Variants in CSMD1 observed in about 807,000 individuals in gnomAD.
CSMD1 encodes the protein CUB and Sushi multiple domains 1, also known as CUB and sushi domain-containing protein 1.
Under a neutral mutation model 417.5 loss-of-function variants are expected in CSMD1, and 213 were observed. The ratio of observed to expected loss-of-function variants is 0.51; its 90% CI spans 0.46 to 0.57. The LOEUF (loss-of-function observed/expected upper bound fraction) is 0.57, where lower values mean the gene tolerates loss of function less well. Ranked by LOEUF, CSMD1 falls within the 20% of genes least tolerant of loss-of-function variation. The pLI is 0.00. For synonymous variants in CSMD1, 2,862 were observed against 1,736.8 expected (o/e 1.65, Z -16.11); for missense variants, 6,923 against 4,529.7 (o/e 1.53, Z -15.17).
At chr8:3,971,655 C>T (rs535280276) in intron 5 of CSMD1, among the ~76,000 whole-genome samples, 1 of 152,058 alleles carries the variant, frequency 6.6e-6, no homozygotes, top group Admixed American at 6.6e-5. Context: ...AATCCTGATC[C>T]GTGTGGAACA....
Position 2,963,412 on chromosome 8 carries a change from A to G in CSMD1, c.9281-17T>C. ...ACAGCACGGCTATTTCCAAAGAACA[A>G]ACAAGATCAACATTCCGGAGCTCCC... is the stretch of plus-strand genomic sequence containing the variant. On this transcript the variant is annotated splice_polypyrimidine_tract_variant and intron_variant, in intron 59 of 69. Coordinates refer to ENST00000635120, the MANE Select transcript of CSMD1 (RefSeq NM_033225.6). 6.2e-7 allele frequency: 1 copy of G among 1,608,976 alleles called. No individual in the cohort carries two copies. The highest frequency in any genetic ancestry group is 8.5e-7 in the Non-Finnish European group (1 of 1,175,564).
intron 1 of CSMD1, among the ~76,000 whole-genome samples, chr8:4,654,294 G>A (rs1804090568): frequency 6.6e-6 from 1 of 152,060 alleles, no homozygotes; most frequent in Non-Finnish European, 1.5e-5. Context: ...GACTTATATG[G>A]AAAGGATATA....
intron 1 of CSMD1, among the ~76,000 whole-genome samples, chr8:4,742,409 T>G (rs1197030617): frequency 6.6e-6 from 1 of 152,116 alleles, no homozygotes. Flanking sequence ...TAAAAATAAA[T>G]GTCCTACTCT....
At chr8:4,133,736 GTTTT>G (rs202238657) in intron 3 of CSMD1, among the ~76,000 whole-genome samples, 4 of 151,906 alleles carry the variant, frequency 2.6e-5, no homozygotes, top group African/African-American at 4.8e-5. Context: ...TATGGTTATG[GTTTT>G]TTTTATTATT....
chr8:3,107,819 A>G, intron 44 of CSMD1, 21 bp from the exon 45 acceptor site: 1 of 1,484,242 alleles, frequency 6.7e-7, no homozygotes, highest in Non-Finnish European at 9.2e-7. Context: ...AATGGAAAGA[A>G]TAATAATAAT....
intron 1 of CSMD1, among the ~76,000 whole-genome samples, chr8:4,850,570 C>A (rs1801413356): frequency 6.6e-6 from 1 of 152,036 alleles, no homozygotes; most frequent in African/African-American, 2.4e-5. Context: ...CCCAGGACTT[C>A]AGCGAAGTAG....
At chr8:3,695,040 A>G (rs145425099) in intron 7 of CSMD1, among the ~76,000 whole-genome samples, 104 of 151,840 alleles carry the variant, frequency 6.8e-4, no homozygotes, top group African/African-American at 2.4e-3. Context: ...TTGGAAGAGA[A>G]AAAGTCACGT....
intron 6 of CSMD1, among the ~76,000 whole-genome samples, chr8:3,725,047 G>C (rs535384758): frequency 2.0e-5 from 3 of 152,312 alleles, no homozygotes; most frequent in South Asian, 4.1e-4. Context: ...AACCTCTCCA[G>C]ACGACTAGAG....
intron 1 of CSMD1, among the ~76,000 whole-genome samples, chr8:4,932,669 G>T (rs1807324034): frequency 6.6e-6 from 1 of 152,186 alleles, no homozygotes; most frequent in African/African-American, 2.4e-5. Flanking sequence ...AAAGGCTGCA[G>T]GAATGAATGA....
chr8:3,837,446 TAAGAG>T, intron 5 of CSMD1, among the ~76,000 whole-genome samples: 1 of 152,194 alleles, frequency 6.6e-6, no homozygotes, highest in African/African-American at 2.4e-5. Context: ...CAGGCATTTA[TAAGAG>T]AAGAGATGTC....
At chr8:2,942,402 G>A (rs926619920) in intron 69 of CSMD1, 70 bp downstream of exon 69, 23 of 1,321,658 alleles carry the variant, frequency 1.7e-5, no homozygotes, top group African/African-American at 7.3e-5. Flanking sequence ...GAGCACGAGA[G>A]CATGCCCATT....
Position 4,989,705 on chromosome 8 carries a change from G to A in CSMD1, c.85+4627C>T, listed in dbSNP as rs545535074. On this transcript the variant is annotated intron_variant, in intron 1 of 69. Transcript: ENST00000635120. ...TATGAGCTCAGCAGAAAAATTACCA[G>A]AGGCAGATTTAAAATTCAGCGCAAT... is the stretch of plus-strand genomic sequence containing the variant. 1.2e-4 allele frequency among the ~76,000 whole-genome samples: 19 copies of A among 152,284 alleles called. 1 individual carries two copies. In the South Asian group the frequency reaches 3.9e-3, roughly 32 times the overall value.
chr8:3,468,764 A>G lies in CSMD1; in HGVS notation c.1509T>C (p.His503=). The change falls in exon 12 of 70, where the codon CAT becomes CAC. Residue 503 remains histidine (H), a synonymous_variant. Coordinates refer to ENST00000635120, the MANE Select transcript of CSMD1 (RefSeq NM_033225.6). Reference sequence around the variant, plus strand: ...AGCCAATGCTATCATCCGACTGCAGATGTAGCCACATCTGGTTGCTCATGC... The same window carrying G: ...AGCCAATGCTATCATCCGACTGCAGGTGTAGCCACATCTGGTTGCTCATGC... The part of the protein sequence containing the change: ...IVSMSNQMWL[H]LQSDDSIGSP... The G allele has an allele frequency of 1.2e-6, 2 of 1,607,374 alleles. No homozygotes were observed. The highest frequency in any genetic ancestry group is 1.7e-6 in the Non-Finnish European group (2 of 1,177,080).
chr8:4,165,967 T>A (rs1039504473), intron 3 of CSMD1, among the ~76,000 whole-genome samples: 5 of 152,224 alleles, frequency 3.3e-5, no homozygotes, highest in African/African-American at 7.2e-5. Flanking sequence ...TCACTGTAAG[T>A]AATAACAATT....
chr8:4,449,082 G>A (rs1005597250), intron 2 of CSMD1, among the ~76,000 whole-genome samples: 5 of 152,172 alleles, frequency 3.3e-5, no homozygotes, highest in African/African-American at 9.7e-5. Context: ...TCTTTCTAAG[G>A]AGATTGAATA....
chr8:3,733,538 A>T (rs887708133), intron 6 of CSMD1, among the ~76,000 whole-genome samples: 22 of 152,196 alleles, frequency 1.4e-4, no homozygotes, highest in Non-Finnish European at 2.2e-4. Context: ...AATTTCAGAA[A>T]AAAACAACTC....
chr8:4,231,352 C>A (rs1052177234), intron 3 of CSMD1, among the ~76,000 whole-genome samples: 1 of 152,158 alleles, frequency 6.6e-6, no homozygotes, highest in Non-Finnish European at 1.5e-5. Flanking sequence ...AATCACCTAG[C>A]ATTGCTGGAT....
intron 1 of CSMD1, among the ~76,000 whole-genome samples, chr8:4,738,649 G>A (rs950687134): frequency 2.6e-5 from 4 of 151,900 alleles, no homozygotes; most frequent in East Asian, 1.9e-4. Flanking sequence ...CAACAGCATC[G>A]TTTCTGTCAT....
intron 5 of CSMD1, among the ~76,000 whole-genome samples, chr8:3,979,030 A>C (rs1332744563): frequency 6.6e-6 from 1 of 152,230 alleles, no homozygotes; most frequent in African/African-American, 2.4e-5. Flanking sequence ...ATGCTGCACA[A>C]CACCTGGACC....
Sources: allele counts gnomAD v4.1 joint callset (sites outside exome capture counted in the v4.1 genomes callset), GRCh38; gene constraint gnomAD v4.1.1; transcripts MANE v1.5; gene names NCBI Gene and HGNC (gene_info 2026-07-23, HGNC 2026-07-21).